FAM149A: variants seen among roughly 807,000 people sequenced by gnomAD.
The protein encoded by FAM149A is family with sequence similarity 149 member A.
A neutral mutation model predicts 78.2 loss-of-function variants in FAM149A; 71 were observed. The observed-to-expected ratio is 0.91, with a 90% CI of 0.75 to 1.11. The LOEUF is 1.11. FAM149A is among the 50% of genes least tolerant of loss of function. The pLI, the probability that FAM149A is intolerant of heterozygous loss-of-function variation, is 0.00. For missense variants in FAM149A, 1,036 were observed against 971.0 expected, an observed-to-expected ratio of 1.07 and a Z score of -0.89; for synonymous variants, 446 against 410.5, an observed-to-expected ratio of 1.09 and a Z score of -1.04.
intron 7 of FAM149A, among the ~76,000 whole-genome samples, chr4:186,156,845 C>T (rs1734067639): frequency 6.6e-6 from 1 of 151,678 alleles, no homozygotes; most frequent in Non-Finnish European, 1.5e-5. Flanking sequence ...CATGGTGGCA[C>T]ATGCCTGTAG....
At chr4:186,132,753 T>G (rs890869714) in intron 1 of FAM149A, among the ~76,000 whole-genome samples, 9 of 152,212 alleles carry the variant, frequency 5.9e-5, no homozygotes, top group Non-Finnish European at 2.9e-5. Context: ...GCTAGCCACC[T>G]GTGAAGATAT....
chr4:186,143,905 A>C (rs1386415230), intron 1 of FAM149A, among the ~76,000 whole-genome samples: 3 of 152,206 alleles, frequency 2.0e-5, no homozygotes, highest in Admixed American at 1.3e-4. Context: ...TGGGCTTTTT[A>C]GTAAAAACTC....
Position 186,119,223 on chromosome 4 carries a change from GAC to G in FAM149A, c.566+13587_566+13588del, listed in dbSNP as rs373421605. Among the ~76,000 whole-genome samples the G allele has an allele frequency of 9.3e-4, 142 of 152,228 alleles. 1 individual carries two copies. Among genetic ancestry groups the G allele is most frequent in the African/African-American group, 3.2e-3 (131 of 41,542 alleles). On this transcript the variant is annotated intron_variant, in intron 1 of 13. Transcript: ENST00000389354. The stretch of plus-strand genomic sequence containing the variant: ...ATGGTCTCACGAATAGTGTTACACA[GAC>G]ACACATTTAACAGGACATGATTTTC...
Position 186,151,935 on chromosome 4 carries a change from G to A in FAM149A, c.822G>A (p.Gln274=), listed in dbSNP as rs370157303. 74 of 1,614,052 alleles carry A rather than the reference G, an allele frequency of 4.6e-5. No homozygotes were observed. The highest frequency in any genetic ancestry group is 6.3e-5 in the Non-Finnish European group (74 of 1,180,034). Residue 274 remains glutamine, a synonymous_variant, in exon 4 of 14, where the codon CAG becomes CAA. Transcript: ENST00000389354. ...ACGAAGCCAGTTCACAGTCAGTGCA[G>A]CGGTTACTCTGGGAGGTGGAGGAAA...
chr4:186,117,125 A>G (rs1346264007), intron 1 of FAM149A, among the ~76,000 whole-genome samples: 1 of 151,990 alleles, frequency 6.6e-6, no homozygotes, highest in Non-Finnish European at 1.5e-5. Context: ...CATCTATACA[A>G]ACTTGTCCCT....
At chr4:186,135,489 G>C (rs1294747620) in intron 1 of FAM149A, among the ~76,000 whole-genome samples, 2 of 152,100 alleles carry the variant, frequency 1.3e-5, no homozygotes, top group Non-Finnish European at 2.9e-5. Flanking sequence ...GGAAATACAG[G>C]GTTCGCGTCC....
chr4:186,169,480 C>G (rs1401775209), intron 13 of FAM149A: 31 of 985,298 alleles, frequency 3.1e-5, no homozygotes, highest in South Asian at 1.4e-4. Context: ...TCTTATCCCT[C>G]AAAAGTCTTG....
intron 1 of FAM149A, chr4:186,145,013 G>T (rs1311542049): frequency 2.0e-6 from 2 of 981,676 alleles, no homozygotes; most frequent in African/African-American, 1.8e-5. Context: ...GGCTGTCTGC[G>T]TGGGGCCCGC....
chr4:186,166,995 G>T lies in FAM149A; in HGVS notation c.2038G>T (p.Val680Leu), dbSNP rs1248984409. Reference sequence around the variant, plus strand: ...CAGAGGAAGGCATCTACAAAACCGTGTGTTGAGTGCCATGCCTGACGGTAC... The same window carrying T: ...CAGAGGAAGGCATCTACAAAACCGTTTGTTGAGTGCCATGCCTGACGGTAC... The change falls in exon 12 of 14, where the codon GTG (valine) becomes TTG (leucine). Residue 680 changes from valine (V) to leucine (L), a missense_variant. Around this residue, in one of 3 missense-constraint regions of FAM149A, gnomAD observed 716 missense variants for 711.8 expected, o/e 1.01. Coordinates refer to ENST00000389354, the MANE Select transcript of FAM149A (RefSeq NM_001367768.3). 1.2e-6 allele frequency: 2 copies of T among 1,614,066 alleles called. No individual in the cohort carries two copies. The highest frequency in any genetic ancestry group is 2.2e-5 in the South Asian group (2 of 91,072).
In FAM149A at chr4:186,161,783, T is replaced by C. The variant is rs115167422; in HGVS notation, c.1576-1062T>C. On this transcript the variant is annotated intron_variant, in intron 8 of 13. Transcript: ENST00000389354. ...AATACTCAAGGTGTTCTAGTTCTAA[T>C]TATGAAAGCTCTTAAGTTATTCCTC... Among the ~76,000 whole-genome samples, 1,278 of 152,352 alleles carry C rather than the reference T, an allele frequency of 8.4e-3. 21 individuals are homozygous for C. Among genetic ancestry groups the C allele is most frequent in the African/African-American group, 0.029 (1,207 of 41,570 alleles).
chr4:186,127,870 T>G (rs2099319032), intron 1 of FAM149A, among the ~76,000 whole-genome samples: 1 of 151,050 alleles, frequency 6.6e-6, no homozygotes, highest in Non-Finnish European at 1.5e-5. Context: ...GTATTTTTAG[T>G]AGAGACAGGG....
At chr4:186,143,657 G>A (rs1338074918) in intron 1 of FAM149A, among the ~76,000 whole-genome samples, 2 of 152,096 alleles carry the variant, frequency 1.3e-5, no homozygotes, top group East Asian at 1.9e-4. Context: ...AGCCTCCTGA[G>A]TAGCTGGAAT....
chr4:186,104,954 G>T lies in FAM149A; in HGVS notation c.-123G>T. On this transcript the variant is annotated 5_prime_UTR_variant, in exon 1 of 14. Coordinates refer to ENST00000389354, the MANE Select transcript of FAM149A (RefSeq NM_001367768.3). ...GTCCTCGGGGAGGAGAGGGAGCCAG[G>T]GGCCTCCGGGGCTCCGGGTGCGGGG... 2 of 1,169,582 alleles carry T rather than the reference G, an allele frequency of 1.7e-6. No individual in the cohort carries two copies. 72.5% of individuals were successfully genotyped at this position (1,169,582 alleles called of 1,614,324 possible). A position where few individuals can be genotyped will look rare whatever the true frequency, so the allele number is the denominator to read the frequency against.
intron 1 of FAM149A, among the ~76,000 whole-genome samples, chr4:186,137,942 T>C (rs924688466): frequency 1.3e-5 from 2 of 152,094 alleles, no homozygotes; most frequent in Non-Finnish European, 2.9e-5. Flanking sequence ...TTTTATACTC[T>C]TCCCATTAAA....
intron 5 of FAM149A, among the ~76,000 whole-genome samples, chr4:186,154,018 C>CCTT (rs1733825556): frequency 6.6e-6 from 1 of 152,152 alleles, no homozygotes; most frequent in South Asian, 2.1e-4. Context: ...ATGGTAGTTA[C>CCTT]CTTCCATGTT....
rs746240263 is a variant in FAM149A, at chr4:186,172,071, T to C, written c.*84T>C. ...AAAAATGGAGGAACAAGTGTTATATTTATCTGTGTGTCTGACAGTGTGAGA... is the reference window on the plus strand; with the variant it reads ...AAAAATGGAGGAACAAGTGTTATATCTATCTGTGTGTCTGACAGTGTGAGA... On this transcript the variant is annotated 3_prime_UTR_variant, in exon 14 of 14. Coordinates refer to ENST00000389354, the MANE Select transcript of FAM149A (RefSeq NM_001367768.3). 5.0e-5 allele frequency: 78 copies of C among 1,554,312 alleles called. No homozygotes were observed. The highest frequency in any genetic ancestry group is 6.3e-5 in the Non-Finnish European group (73 of 1,153,718).
intron 1 of FAM149A, among the ~76,000 whole-genome samples, chr4:186,119,954 C>A (rs1031633621): frequency 1.3e-5 from 2 of 152,128 alleles, no homozygotes; most frequent in African/African-American, 4.8e-5. Flanking sequence ...AAAATTGAAT[C>A]CTAAGGAACT....
intron 7 of FAM149A, among the ~76,000 whole-genome samples, chr4:186,156,398 G>C (rs1734035640): frequency 6.6e-6 from 1 of 152,180 alleles, no homozygotes; most frequent in East Asian, 1.9e-4. Flanking sequence ...GGCTGGCTGG[G>C]TGCGGTGGCT....
At position 186,166,967 on chromosome 4, in the gene FAM149A, G is replaced by A. The variant is rs1561418909; in HGVS notation, c.2011-1G>A. 5.0e-6 allele frequency: 8 copies of A among 1,613,026 alleles called. No homozygotes were observed. The highest frequency in any genetic ancestry group is 6.8e-6 in the Non-Finnish European group (8 of 1,179,334). ...ACAAGAACATACTATCCTTCATTTA[G>A]TACAGAGGAAGGCATCTACAAAACC... On this transcript the variant is annotated splice_acceptor_variant, in intron 11 of 13. Coordinates refer to ENST00000389354, the MANE Select transcript of FAM149A (RefSeq NM_001367768.3). LOFTEE classifies it high-confidence loss of function.
Sources: allele counts gnomAD v4.1 joint callset (sites outside exome capture counted in the v4.1 genomes callset), GRCh38; gene constraint gnomAD v4.1.1; regional missense constraint gnomAD v4.1.1; transcripts MANE v1.5; gene names NCBI Gene and HGNC (gene_info 2026-07-23, HGNC 2026-07-21).